The following SPNS3 variants were observed in gnomAD, a reference collection of about 807,000 sequenced individuals.
SPNS3 encodes the protein SPNS lysolipid transporter 3, sphingosine-1-phosphate (putative).
Under a neutral mutation model 54.4 loss-of-function variants are expected in SPNS3, and 51 were observed. That is an observed-to-expected ratio of 0.94 (90% CI 0.75 to 1.18). The LOEUF is 1.18. Ranked by LOEUF, SPNS3 falls within the 50% of genes most tolerant of loss-of-function variation. SPNS3 has a pLI of 0.00. For missense variants in SPNS3, 669 were observed against 677.4 expected, an observed-to-expected ratio of 0.99 and a Z score of 0.14; for synonymous variants, 309 against 294.7, an observed-to-expected ratio of 1.05 and a Z score of -0.50.
At chr17:4,481,827 C>T (rs113171131) in intron 9 of SPNS3, 1,668 of 151,590 alleles carry the variant, frequency 0.011, 40 homozygotes, top group African/African-American at 0.039. Context: ...CCTGAGTGGG[C>T]GTGTGGGCCC....
At chr17:4,447,039 C>T (rs991025490) in intron 5 of SPNS3, 77 bp downstream of exon 5, 2 of 1,539,778 alleles carry the variant, frequency 1.3e-6, no homozygotes, top group Non-Finnish European at 1.8e-6. Context: ...GTGACCTTAG[C>T]CACTTGGCGT....
intron 8 of SPNS3, among the ~76,000 whole-genome samples, chr17:4,467,082 T>C (rs1394414522): frequency 6.6e-6 from 1 of 151,860 alleles, no homozygotes; most frequent in East Asian, 1.9e-4. Flanking sequence ...GGAGAATGCA[T>C]GGCTGGTGTG....
intron 8 of SPNS3, among the ~76,000 whole-genome samples, chr17:4,472,774 C>CATTTTTTT (rs1567572187): frequency 1.6e-4 from 8 of 50,972 alleles, no homozygotes; most frequent in African/African-American, 6.2e-4. Flanking sequence ...GCTTGGCAGC[C>CATTTTTTT]TTTTTTTTTT....
intron 8 of SPNS3, among the ~76,000 whole-genome samples, chr17:4,459,288 C>T (rs1012033656): frequency 6.6e-6 from 1 of 152,274 alleles, no homozygotes; most frequent in Non-Finnish European, 1.5e-5. Flanking sequence ...GTGTCAGGCA[C>T]GTGGACAGGT....
At chr17:4,480,410 G>C (rs1444171971) in intron 9 of SPNS3, among the ~76,000 whole-genome samples, 1 of 152,222 alleles carries the variant, frequency 6.6e-6, no homozygotes, top group African/African-American at 2.4e-5. Context: ...TCATGGGATT[G>C]TCCACTTTTA....
chr17:4,458,592 T>TTC (rs1341843952), intron 8 of SPNS3, among the ~76,000 whole-genome samples: 1,329 of 40,302 alleles, frequency 0.033, 73 homozygotes, highest in African/African-American at 0.11. Context: ...TTCCCTCCTT[T>TTC]CTTTCTTTCT....
intron 6 of SPNS3, 60 bp downstream of exon 6, chr17:4,448,363 C>A: frequency 1.4e-6 from 2 of 1,413,226 alleles, no homozygotes; most frequent in Non-Finnish European, 1.9e-6. Context: ...GCCCCAGCAT[C>A]ATTGACCCCC....
intron 6 of SPNS3, 126 bp from the exon 7 acceptor site, chr17:4,449,109 A>T: frequency 9.0e-7 from 1 of 1,112,666 alleles, no homozygotes; most frequent in Non-Finnish European, 1.3e-6. Flanking sequence ...AATGCTACCT[A>T]TGGAATCTTG....
At chr17:4,481,818 C>CTGAG in intron 9 of SPNS3, 1 of 152,120 alleles carries the variant, frequency 6.6e-6, no homozygotes, top group East Asian at 1.9e-4. Context: ...CTGCAGATTC[C>CTGAG]TGAGTGGGCG....
chr17:4,453,498 A>C (rs902559847), intron 8 of SPNS3, among the ~76,000 whole-genome samples: 2 of 152,128 alleles, frequency 1.3e-5, no homozygotes, highest in Non-Finnish European at 2.9e-5. Flanking sequence ...GGCACCTATA[A>C]TCCCAGCTGC....
chr17:4,484,158 T>C (rs886755689), intron 9 of SPNS3, among the ~76,000 whole-genome samples: 2 of 152,194 alleles, frequency 1.3e-5, no homozygotes, highest in Admixed American at 1.3e-4. Context: ...CTCAGCCCTG[T>C]TATTTCAGGC....
At chr17:4,442,465 A>AG (rs974013394) in intron 2 of SPNS3, among the ~76,000 whole-genome samples, 17 of 151,954 alleles carry the variant, frequency 1.1e-4, no homozygotes, top group Non-Finnish European at 8.8e-5. Flanking sequence ...CCCAGAAGGC[A>AG]GGGGTTGCAG....
intron 8 of SPNS3, among the ~76,000 whole-genome samples, chr17:4,466,028 G>A (rs1340029755): frequency 6.6e-6 from 1 of 152,180 alleles, no homozygotes; most frequent in African/African-American, 2.4e-5. Context: ...TGGCCTCATG[G>A]GCTGAGGGAG....
At chr17:4,476,285 C>T (rs1349169929) in intron 8 of SPNS3, among the ~76,000 whole-genome samples, 26 of 152,204 alleles carry the variant, frequency 1.7e-4, no homozygotes, top group Admixed American at 1.6e-3. Context: ...CTGGCATCGT[C>T]GGGCGGCTTC....
chr17:4,436,113 G>T (rs1433352025), intron 1 of SPNS3, among the ~76,000 whole-genome samples: 1 of 152,166 alleles, frequency 6.6e-6, no homozygotes, highest in Non-Finnish European at 1.5e-5. Context: ...CATCTCATGG[G>T]GCAGAGATAG....
intron 1 of SPNS3, among the ~76,000 whole-genome samples, chr17:4,436,964 C>G (rs1418905620): frequency 6.6e-6 from 1 of 152,202 alleles, no homozygotes; most frequent in Non-Finnish European, 1.5e-5. Flanking sequence ...TGCCGCTAGC[C>G]CTGGAGGTCC....
Position 4,439,708 on chromosome 17 carries a change from G to C in SPNS3, c.250G>C (p.Gly84Arg). Residue 84 changes from glycine (G) to arginine (R), a missense_variant, in exon 2 of 12, where the codon GGT becomes CGT. By Grantham distance (125) the Gly-to-Arg change is moderately radical. Coordinates refer to ENST00000355530, the MANE Select transcript of SPNS3 (RefSeq NM_182538.5). ...TTTCCAGATCAGTGACAACCATGCT[G>C]GTTTGCTTCAGACTGGTAAGGAGGA... ...EVFQISDNHA[G>R]LLQTVFVSCL... 1.2e-6 allele frequency: 2 copies of C among 1,612,920 alleles called. No homozygotes were observed. The highest frequency in any genetic ancestry group is 1.7e-6 in the Non-Finnish European group (2 of 1,179,582).
At chr17:4,445,848 G>A (rs560798596) in intron 3 of SPNS3, among the ~76,000 whole-genome samples, 200 bp from the exon 4 acceptor site, 2 of 152,196 alleles carry the variant, frequency 1.3e-5, no homozygotes, top group Admixed American at 6.5e-5. Flanking sequence ...CCCCTGGGCA[G>A]GGGGGCAGGT....
intron 8 of SPNS3, among the ~76,000 whole-genome samples, chr17:4,468,569 A>AG (rs1225431631): frequency 8.1e-6 from 1 of 122,860 alleles, no homozygotes; most frequent in Non-Finnish European, 1.7e-5. Flanking sequence ...ACTGTGGGGC[A>AG]GGGGGCGGTG....
Sources: allele counts gnomAD v4.1 joint callset (sites outside exome capture counted in the v4.1 genomes callset), GRCh38; gene constraint gnomAD v4.1.1; transcripts MANE v1.5; gene names NCBI Gene and HGNC (gene_info 2026-07-23, HGNC 2026-07-21).